The following RASGRF2 variants were observed in gnomAD, a reference collection of about 807,000 sequenced individuals.
RASGRF2 encodes Ras protein specific guanine nucleotide releasing factor 2, also known as ras-specific guanine nucleotide-releasing factor 2.
A neutral mutation model predicts 151.0 loss-of-function variants in RASGRF2; 76 were observed. The ratio of observed to expected loss-of-function variants is 0.50; its 90% confidence interval spans 0.42 to 0.61. The LOEUF is 0.61. RASGRF2 is among the 20% of genes least tolerant of loss of function. The pLI, the probability that RASGRF2 is intolerant of heterozygous loss-of-function variation, is 0.00. For synonymous variants in RASGRF2, 504 were observed against 566.5 expected (o/e 0.89, Z 1.57); for missense variants, 1,148 against 1,564.6 (o/e 0.73, Z 4.49).
chr5:81,071,058 C>T (rs1333163451), intron 4 of RASGRF2, among the ~76,000 whole-genome samples: 1 of 152,120 alleles, frequency 6.6e-6, no homozygotes, highest in Middle Eastern at 3.2e-3. Context: ...ATTTTTCCCT[C>T]TTACTGCCAT....
chr5:81,030,203 G>A (rs1345264227), intron 1 of RASGRF2, among the ~76,000 whole-genome samples: 3 of 152,288 alleles, frequency 2.0e-5, no homozygotes, highest in Non-Finnish European at 4.4e-5. Context: ...TGGGGAGAAT[G>A]GAACCAAGTT....
chr5:81,201,462 C>T lies in RASGRF2; in HGVS notation c.2906+20C>T. 1.9e-6 allele frequency: 3 copies of T among 1,602,928 alleles called. No homozygotes were observed. Among genetic ancestry groups the T allele is most frequent in the Non-Finnish European group, 2.6e-6 (3 of 1,174,564 alleles). On this transcript the variant is annotated intron_variant, in intron 19 of 26. Coordinates refer to ENST00000265080, the MANE Select transcript of RASGRF2 (RefSeq NM_006909.3). ...CCTCAGGTGAAGGCAGCTGAAGATGCCGACTGGATGACATTGGTTGATTCC... is the reference window on the plus strand; with the variant it reads ...CCTCAGGTGAAGGCAGCTGAAGATGTCGACTGGATGACATTGGTTGATTCC...
chr5:81,076,920 G>T (rs1751956120), intron 5 of RASGRF2, among the ~76,000 whole-genome samples: 1 of 152,246 alleles, frequency 6.6e-6, no homozygotes, highest in South Asian at 2.1e-4. Context: ...ACTTTCAGCT[G>T]CATGGATGCA....
At chr5:80,995,684 T>TCTCCCCC (rs1690899468) in intron 1 of RASGRF2, among the ~76,000 whole-genome samples, 1 of 69,474 alleles carries the variant, frequency 1.4e-5, no homozygotes, top group Non-Finnish European at 2.8e-5. Context: ...TTCCTTTCCT[T>TCTCCCCC]CCCCCCCCCT....
At chr5:81,137,691 C>T (rs565615911) in intron 17 of RASGRF2, among the ~76,000 whole-genome samples, 3 of 152,214 alleles carry the variant, frequency 2.0e-5, no homozygotes, top group Non-Finnish European at 4.4e-5. Flanking sequence ...AGGAAGAAGA[C>T]GGCCACCTAC....
intron 17 of RASGRF2, among the ~76,000 whole-genome samples, chr5:81,165,288 C>A (rs1754480499): frequency 6.6e-6 from 1 of 152,106 alleles, no homozygotes; most frequent in Non-Finnish European, 1.5e-5. Flanking sequence ...AAGGTCTTCC[C>A]ATAAATGGAA....
chr5:80,996,146 C>T (rs554188165), intron 1 of RASGRF2, among the ~76,000 whole-genome samples: 4 of 151,900 alleles, frequency 2.6e-5, no homozygotes, highest in African/African-American at 9.7e-5. Flanking sequence ...ACCTTTGAAC[C>T]TTAAATGTTT....
Position 81,217,403 on chromosome 5 carries a change from T to C in RASGRF2, c.3482T>C (p.Leu1161Pro). 1 of 1,613,586 alleles carries C rather than the reference T, an allele frequency of 6.2e-7. No individual in the cohort carries two copies. Among genetic ancestry groups the C allele is most frequent in the Non-Finnish European group, 8.5e-7 (1 of 1,179,870 alleles). The change falls in exon 25 of 27, where the codon CTG (leucine) becomes CCG (proline). Residue 1161 changes from leucine to proline, a missense_variant. By Grantham distance (98) the Leu-to-Pro change is moderately conservative. Around this residue, in one of 5 missense-constraint regions of RASGRF2, gnomAD observed 100 missense variants for 148.2 expected, o/e 0.67. Transcript: ENST00000265080. ...TATCTTGGGATGTACTTGACAGACC[T>C]GGCATTTATTGAAGAAGGAACACCA... Reference protein sequence around the residue: ...VPYLGMYLTDLAFIEEGTPNF... With the variant: ...VPYLGMYLTDPAFIEEGTPNF...
rs75920696 is a variant in RASGRF2 at position 81,159,846 on chromosome 5, C to T, written c.2687-20329C>T. On this transcript the variant is annotated intron_variant, in intron 17 of 26. Coordinates refer to ENST00000265080, the MANE Select transcript of RASGRF2 (RefSeq NM_006909.3). ...AGTGAAAGACCTGTTTTATTAGTGA[C>T]TAGTGTCCATGCTAACGGCAGTGCC... 2.2e-4 allele frequency among the ~76,000 whole-genome samples: 34 copies of T among 152,258 alleles called. No homozygotes were observed. In the East Asian group the frequency reaches 6.6e-3, roughly 29 times the overall value.
chr5:81,114,000 G>A (rs1753080737), intron 15 of RASGRF2, 80 bp downstream of exon 15: 1 of 1,472,602 alleles, frequency 6.8e-7, no homozygotes, highest in Non-Finnish European at 9.2e-7. Context: ...TGGAACACTG[G>A]TTCCCTTTCT....
chr5:81,211,235 A>G (rs937922960), intron 22 of RASGRF2, among the ~76,000 whole-genome samples: 1 of 151,064 alleles, frequency 6.6e-6, no homozygotes, highest in Non-Finnish European at 1.5e-5. Flanking sequence ...CTGCCTGTGT[A>G]TTCCCAAACC....
At position 81,080,117 on chromosome 5, in the gene RASGRF2, A is replaced by G. The variant is rs142461763; in HGVS notation, c.888-4A>G. On this transcript the variant is annotated splice_polypyrimidine_tract_variant and splice_region_variant and intron_variant, in intron 5 of 26. Transcript: ENST00000265080. Reference sequence around the variant, plus strand: ...AAATTATATTATTTTTCCTTTTTTTATAGTGAAACAATCATGTTTCTTCAT... The same window carrying G: ...AAATTATATTATTTTTCCTTTTTTTGTAGTGAAACAATCATGTTTCTTCAT... The G allele has an allele frequency of 9.5e-4, 1,519 of 1,592,060 alleles. 18 individuals are homozygous for G. The African/African-American group carries it at 0.018, about 19-fold the overall frequency.
chr5:81,091,992 T>C (rs751400712), intron 9 of RASGRF2, among the ~76,000 whole-genome samples: 4 of 152,168 alleles, frequency 2.6e-5, no homozygotes, highest in Non-Finnish European at 5.9e-5. Context: ...TCTTTGTTAG[T>C]ACTTTTTGGT....
intron 5 of RASGRF2, among the ~76,000 whole-genome samples, chr5:81,074,660 A>G (rs1751883335): frequency 1.3e-5 from 2 of 152,184 alleles, no homozygotes; most frequent in African/African-American, 4.8e-5. Flanking sequence ...AGATCTTTCC[A>G]TATTGATACC....
At chr5:81,201,269 A>T in intron 18 of RASGRF2, 61 bp from the exon 19 acceptor site, 1 of 1,544,996 alleles carries the variant, frequency 6.5e-7, no homozygotes, top group Middle Eastern at 1.8e-4. Flanking sequence ...GAATGGTGTC[A>T]TGTGTCATAG....
chr5:81,174,876 C>A (rs772787523), intron 17 of RASGRF2, among the ~76,000 whole-genome samples: 3 of 152,178 alleles, frequency 2.0e-5, no homozygotes, highest in Non-Finnish European at 4.4e-5. Flanking sequence ...TGCTCTCACA[C>A]TTCAAAATTT....
intron 18 of RASGRF2, among the ~76,000 whole-genome samples, chr5:81,189,326 C>A (rs1026338274): frequency 6.6e-6 from 1 of 152,120 alleles, no homozygotes; most frequent in Non-Finnish European, 1.5e-5. Flanking sequence ...TGGGCATGTC[C>A]CCAGCTGGTA....
intron 18 of RASGRF2, among the ~76,000 whole-genome samples, chr5:81,191,359 C>T (rs1231149807): frequency 6.6e-6 from 1 of 152,136 alleles, no homozygotes; most frequent in Admixed American, 6.6e-5. Context: ...CTTCCTGTAA[C>T]TCTAAGTGCA....
chr5:81,225,630 A>C, intron 26 of RASGRF2, 48 bp from the exon 27 acceptor site: 1 of 1,603,540 alleles, frequency 6.2e-7, no homozygotes, highest in Non-Finnish European at 8.5e-7. Flanking sequence ...AAATGTACGC[A>C]CTGGTGTCTG....
Sources: allele counts gnomAD v4.1 joint callset (sites outside exome capture counted in the v4.1 genomes callset), GRCh38; gene constraint gnomAD v4.1.1; regional missense constraint gnomAD v4.1.1; transcripts MANE v1.5; gene names NCBI Gene and HGNC (gene_info 2026-07-23, HGNC 2026-07-21).